UNC13A: variants seen among roughly 807,000 people sequenced by gnomAD.
UNC13A encodes the protein protein unc-13 homolog A.
UNC13A carries 61 observed loss-of-function variants against 219.7 expected under a neutral mutation model. The ratio of observed to expected loss-of-function variants is 0.28; its 90% CI spans 0.23 to 0.34. The LOEUF is 0.34. Ranked by LOEUF, UNC13A falls within the 10% of genes least tolerant of loss-of-function variation. The pLI is 1.00. For synonymous variants in UNC13A, 920 were observed against 884.6 expected, an observed-to-expected ratio of 1.04 and a Z score of -0.71; for missense variants, 1,476 against 2,270.3, an observed-to-expected ratio of 0.65 and a Z score of 7.11.
chr19:17,670,363 C>T (rs2079761971), intron 4 of UNC13A, among the ~76,000 whole-genome samples: 1 of 152,028 alleles, frequency 6.6e-6, no homozygotes, highest in African/African-American at 2.4e-5. Flanking sequence ...AACTCAGCCT[C>T]CTGAGCTGCT....
intron 1 of UNC13A, among the ~76,000 whole-genome samples, chr19:17,678,773 C>G (rs1278470251): frequency 3.3e-5 from 5 of 150,712 alleles, no homozygotes; most frequent in African/African-American, 9.8e-5. Flanking sequence ...AGGGGGTGGG[C>G]AGGGGAAGGG....
chr19:17,644,271 T>C (rs924838418), intron 19 of UNC13A, among the ~76,000 whole-genome samples: 1 of 148,432 alleles, frequency 6.7e-6, no homozygotes, highest in African/African-American at 2.5e-5. Flanking sequence ...TCACTGCAGC[T>C]TCAACCTCCC....
chr19:17,653,536 G>A (rs949347177), intron 11 of UNC13A, among the ~76,000 whole-genome samples: 2 of 151,754 alleles, frequency 1.3e-5, no homozygotes, highest in Non-Finnish European at 2.9e-5. Context: ...TTTAGTAGAG[G>A]TGGGGTTTCA....
intron 8 of UNC13A, 36 bp downstream of exon 8, chr19:17,663,496 G>A (rs1341592478): frequency 6.2e-7 from 1 of 1,610,532 alleles, no homozygotes. Flanking sequence ...ACCTTCCCAT[G>A]TAACTCCCAG....
chr19:17,617,704 T>C lies in UNC13A; in HGVS notation c.4556A>G (p.Gln1519Arg). Residue 1519 changes from glutamine to arginine, a missense_variant and splice_region_variant, in exon 41 of 44, where the codon CAG becomes CGG. Around this residue, in one of 14 missense-constraint regions of UNC13A, gnomAD observed 77 missense variants for 94.8 expected, o/e 0.81. Transcript: ENST00000519716. ...IKTFVQTQSAQGLGVEDPVGE... is the reference protein window; with the variant it reads ...IKTFVQTQSARGLGVEDPVGE... ...TGATGCGGTCTGGGTACCCTTACCC[T>C]GGGCCGATTGCGTCTGTACAAAGGT... The C allele has an allele frequency of 1.9e-6, 3 of 1,613,578 alleles. No individual in the cohort carries two copies. The highest frequency in any genetic ancestry group is 1.7e-6 in the Non-Finnish European group (2 of 1,179,540).
At chr19:17,619,605 A>AT (rs909074773) in intron 38 of UNC13A, among the ~76,000 whole-genome samples, 114 of 151,336 alleles carry the variant, frequency 7.5e-4, no homozygotes, top group African/African-American at 2.5e-3. Flanking sequence ...AGTTTTTGAA[A>AT]TTTTTTTCAT....
chr19:17,661,794 A>G (rs2079555066), intron 8 of UNC13A, among the ~76,000 whole-genome samples: 1 of 152,156 alleles, frequency 6.6e-6, no homozygotes, highest in African/African-American at 2.4e-5. Context: ...TAGGGCATGG[A>G]TCTGGTCTGT....
chr19:17,642,731 G>T, intron 20 of UNC13A, 114 bp downstream of exon 20: 1 of 828,710 alleles, frequency 1.2e-6, no homozygotes, highest in Non-Finnish European at 1.9e-6. Context: ...TGGCATGGCG[G>T]GCAGTCTCAG....
At chr19:17,614,958 G>A (rs149336748) in intron 41 of UNC13A, among the ~76,000 whole-genome samples, 4 of 152,264 alleles carry the variant, frequency 2.6e-5, no homozygotes, top group South Asian at 2.1e-4. Context: ...TAGTAAGAAG[G>A]GGGGAGGGAG....
chr19:17,634,271 T>C (rs2076889187), intron 26 of UNC13A, among the ~76,000 whole-genome samples: 1 of 151,960 alleles, frequency 6.6e-6, no homozygotes, highest in Admixed American at 6.5e-5. Flanking sequence ...CCTCTATCCA[T>C]TTATTTACTC....
At chr19:17,651,148 A>G (rs2079339438) in intron 12 of UNC13A, among the ~76,000 whole-genome samples, 1 of 151,742 alleles carries the variant, frequency 6.6e-6, no homozygotes, top group Non-Finnish European at 1.5e-5. Context: ...CATGTTGACC[A>G]GGCTGGTCTC....
At chr19:17,688,116 C>A in intron 1 of UNC13A, 62 bp downstream of exon 1, 1 of 1,509,452 alleles carries the variant, frequency 6.6e-7, no homozygotes, top group Non-Finnish European at 8.9e-7. Context: ...GCCGCATCCA[C>A]GCGGACCCCG....
chr19:17,634,391 T>G (rs575649781), intron 26 of UNC13A, among the ~76,000 whole-genome samples: 44 of 152,292 alleles, frequency 2.9e-4, no homozygotes, highest in African/African-American at 1.1e-3. Flanking sequence ...CAGGCTGGAG[T>G]GCAGTGGTGC....
chr19:17,609,393 C>T (rs564667049), intron 43 of UNC13A, among the ~76,000 whole-genome samples: 2 of 151,996 alleles, frequency 1.3e-5, no homozygotes, highest in African/African-American at 2.4e-5. Flanking sequence ...CTCCACCCCA[C>T]GTGACACCCA....
Position 17,632,441 on chromosome 19 carries a change from C to G in UNC13A, c.3428+341G>C, listed in dbSNP as rs979555126. On this transcript the variant is annotated intron_variant, in intron 28 of 43. Coordinates refer to ENST00000519716, the MANE Select transcript of UNC13A (RefSeq NM_001080421.3). ...GTCCTGCCTCAGTCTCCCAGATTGC[C>G]GGGGCTACAGGCATGTGCCACCATG... 9.9e-5 allele frequency among the ~76,000 whole-genome samples: 15 copies of G among 152,202 alleles called. 1 individual carries two copies. Among genetic ancestry groups the G allele is most frequent in the East Asian group, 7.7e-4 (4 of 5,198 alleles).
At chr19:17,638,390 C>T (rs946959795) in intron 25 of UNC13A, among the ~76,000 whole-genome samples, 1 of 152,056 alleles carries the variant, frequency 6.6e-6, no homozygotes, top group Admixed American at 6.6e-5. Context: ...ATCACTTGAG[C>T]CTGGGAGGTC....
At chr19:17,684,606 C>T (rs8106468) in intron 1 of UNC13A, among the ~76,000 whole-genome samples, 2 of 152,048 alleles carry the variant, frequency 1.3e-5, no homozygotes, top group Admixed American at 6.6e-5. Flanking sequence ...ATAAATGAAG[C>T]GGGCAGAGAT....
intron 33 of UNC13A, 136 bp from the exon 34 acceptor site, chr19:17,626,921 C>T (rs1394959290): frequency 1.8e-5 from 24 of 1,307,716 alleles, no homozygotes; most frequent in East Asian, 2.7e-5. Flanking sequence ...AGGCCAGATG[C>T]GGTGGCTCAC....
In UNC13A at chr19:17,602,355, T is replaced by C. The variant is rs2144882397; in HGVS notation, c.*3699A>G. 6.6e-6 allele frequency: 1 copy of C among 152,490 alleles called. No individual in the cohort carries two copies. The highest frequency in any genetic ancestry group is 2.1e-4 in the South Asian group (1 of 4,822). 9.4% of individuals were successfully genotyped at this position (152,490 alleles called of 1,614,324 possible). ...TCCTCATCGGGGCGTGATCTCACCC[T>C]CTGTCTCTGTGTTTTCTACTCTATT... On this transcript the variant is annotated 3_prime_UTR_variant, in exon 44 of 44. Coordinates refer to ENST00000519716, the MANE Select transcript of UNC13A (RefSeq NM_001080421.3).
Sources: gnomAD v4.1 joint callset for allele counts (sites outside exome capture counted in the v4.1 genomes callset) on GRCh38, gnomAD v4.1.1 for gene constraint, gnomAD v4.1.1 regional missense constraint, MANE v1.5 for transcripts, NCBI Gene and HGNC (gene_info 2026-07-23, HGNC 2026-07-21) for gene names.